RPH3A: variants seen among roughly 807,000 people sequenced by gnomAD.
RPH3A encodes rabphilin-3A.
A neutral mutation model predicts 102.2 loss-of-function variants in RPH3A; 48 were observed. That is an observed-to-expected ratio of 0.47 (90% CI 0.37 to 0.60). RPH3A has a LOEUF of 0.60. RPH3A is among the 20% of genes least tolerant of loss of function. The pLI is 0.00. For synonymous variants in RPH3A, 310 were observed against 324.3 expected (o/e 0.96, Z 0.47); for missense variants, 781 against 910.1 (o/e 0.86, Z 1.83).
chr12:112,765,733 C>T (rs964389134), intron 1 of RPH3A, among the ~76,000 whole-genome samples: 2 of 152,168 alleles, frequency 1.3e-5, no homozygotes, highest in African/African-American at 4.8e-5. Flanking sequence ...GAAATCTTCA[C>T]ACTGAGGCTG....
chr12:112,808,351 CGCGGCAGCTGGTGGA>C (rs936996141), intron 2 of RPH3A, among the ~76,000 whole-genome samples: 1 of 152,224 alleles, frequency 6.6e-6, no homozygotes, highest in Non-Finnish European at 1.5e-5. Context: ...CAGCCCCAGC[CGCGGCAGCTGGTGGA>C]GCGGCAGGCT....
chr12:112,632,629 A>G (rs1364500191), intron 1 of RPH3A, among the ~76,000 whole-genome samples: 3 of 152,162 alleles, frequency 2.0e-5, no homozygotes, highest in Non-Finnish European at 4.4e-5. Flanking sequence ...CATATTCTTC[A>G]CTGGGTTACA....
intron 1 of RPH3A, among the ~76,000 whole-genome samples, chr12:112,783,646 T>G (rs1860194510): frequency 1.3e-5 from 2 of 152,226 alleles, no homozygotes; most frequent in Admixed American, 6.5e-5. Flanking sequence ...TTTATCTCAT[T>G]GAATAATTCC....
intron 1 of RPH3A, among the ~76,000 whole-genome samples, chr12:112,678,293 GAAAGAAAGAA>G (rs761514432): frequency 0.047 from 3,995 of 84,480 alleles, 623 homozygotes; most frequent in African/African-American, 0.085. Flanking sequence ...AAGAAAGAAA[GAAAGAAAGAA>G]AGAGAGAGAG....
At chr12:112,748,720 T>C (rs1036807996) in intron 1 of RPH3A, among the ~76,000 whole-genome samples, 2 of 152,126 alleles carry the variant, frequency 1.3e-5, no homozygotes, top group African/African-American at 2.4e-5. Context: ...ATGGTCCTAA[T>C]GTGTAGAAAG....
At chr12:112,619,684 C>T (rs1438297076) in intron 1 of RPH3A, among the ~76,000 whole-genome samples, 1 of 152,174 alleles carries the variant, frequency 6.6e-6, no homozygotes, top group Non-Finnish European at 1.5e-5. Flanking sequence ...CCACTTTCTT[C>T]ACATCTTTGC....
intron 5 of RPH3A, among the ~76,000 whole-genome samples, chr12:112,863,383 T>A (rs1240121859): frequency 6.6e-6 from 1 of 152,208 alleles, no homozygotes; most frequent in Non-Finnish European, 1.5e-5. Flanking sequence ...AGTGGCACAA[T>A]CTCAACTCAC....
At chr12:112,886,890 G>A (rs1042357148) in intron 16 of RPH3A, among the ~76,000 whole-genome samples, 3 of 152,160 alleles carry the variant, frequency 2.0e-5, no homozygotes, top group Admixed American at 1.3e-4. Flanking sequence ...TGCTCAAATG[G>A]CCATAAAGTA....
At chr12:112,680,641 A>T (rs901134103) in intron 1 of RPH3A, among the ~76,000 whole-genome samples, 1 of 152,074 alleles carries the variant, frequency 6.6e-6, no homozygotes, top group Non-Finnish European at 1.5e-5. Flanking sequence ...GGCCCTGCCC[A>T]TTCCTATCTC....
chr12:112,675,365 G>A (rs2040167374), intron 1 of RPH3A, among the ~76,000 whole-genome samples: 2 of 152,130 alleles, frequency 1.3e-5, no homozygotes, highest in African/African-American at 4.8e-5. Flanking sequence ...TGCGGTGACT[G>A]TAGACTTTAC....
intron 5 of RPH3A, among the ~76,000 whole-genome samples, chr12:112,849,421 GTGTGTGTGTGTGTGCA>G (rs972248987): frequency 1.0e-4 from 15 of 150,302 alleles, no homozygotes; most frequent in Admixed American, 3.3e-4. Context: ...GTGTGTGTGT[GTGTGTGTGTGTGTGCA>G]TGTGTGTGTA....
At chr12:112,578,788 A>C (rs1592890623) in intron 1 of RPH3A, among the ~76,000 whole-genome samples, 1 of 152,222 alleles carries the variant, frequency 6.6e-6, no homozygotes, top group African/African-American at 2.4e-5. Flanking sequence ...GCAGAGCCAG[A>C]AAATACAAGA....
chr12:112,824,103 A>T (rs905105470), intron 2 of RPH3A, among the ~76,000 whole-genome samples: 36 of 152,280 alleles, frequency 2.4e-4, no homozygotes, highest in African/African-American at 8.2e-4. Flanking sequence ...TCCAAGGAGG[A>T]ACCTGCTAGG....
At chr12:112,834,720 A>T (rs904854427) in intron 3 of RPH3A, among the ~76,000 whole-genome samples, 1 of 152,078 alleles carries the variant, frequency 6.6e-6, no homozygotes, top group Non-Finnish European at 1.5e-5. Flanking sequence ...CTAATATAAA[A>T]TTTTTTCATT....
At chr12:112,822,003 A>T (rs887992487) in intron 2 of RPH3A, among the ~76,000 whole-genome samples, 1 of 151,742 alleles carries the variant, frequency 6.6e-6, no homozygotes, top group African/African-American at 2.4e-5. Context: ...CATGGGCCAA[A>T]CAAAACATTT....
At chr12:112,689,669 G>A (rs1323171466) in intron 1 of RPH3A, among the ~76,000 whole-genome samples, 2 of 152,306 alleles carry the variant, frequency 1.3e-5, no homozygotes, top group South Asian at 2.1e-4. Context: ...AACAAATGAC[G>A]CTTGAACACA....
At chr12:112,682,028 A>G (rs1403905401) in intron 1 of RPH3A, among the ~76,000 whole-genome samples, 1 of 152,374 alleles carries the variant, frequency 6.6e-6, no homozygotes, top group East Asian at 1.9e-4. Context: ...CAGCTGCTGC[A>G]ACAAATAAGC....
At chr12:112,583,321 C>T (rs1731871142) in intron 1 of RPH3A, among the ~76,000 whole-genome samples, 1 of 152,160 alleles carries the variant, frequency 6.6e-6, no homozygotes, top group Non-Finnish European at 1.5e-5. Context: ...CTATTTTCAA[C>T]ATTTTGCAGA....
chr12:112,731,700 T>C (rs1031522682), intron 1 of RPH3A, among the ~76,000 whole-genome samples: 1 of 152,268 alleles, frequency 6.6e-6, no homozygotes, highest in African/African-American at 2.4e-5. Context: ...ACTAGTATTA[T>C]GTCAAACCCA....
Sources: gnomAD v4.1 joint callset for allele counts (sites outside exome capture counted in the v4.1 genomes callset) on GRCh38, gnomAD v4.1.1 for gene constraint, MANE v1.5 for transcripts, NCBI Gene and HGNC (gene_info 2026-07-23, HGNC 2026-07-21) for gene names.